Variants in MANBA observed in about 807,000 individuals in gnomAD.
MANBA encodes the protein mannosidase beta, also known as beta-mannosidase.
In MANBA, 83 loss-of-function variants were observed where a neutral mutation model predicts 111.1. The observed-to-expected ratio is 0.75, with a 90% confidence interval of 0.63 to 0.90. MANBA has a LOEUF of 0.90. MANBA is among the 40% of genes least tolerant of loss of function. The probability of loss-of-function intolerance (pLI) is 0.00; values close to 1 mark genes in which losing one functional copy is unlikely to be tolerated. For synonymous variants in MANBA, 370 were observed against 378.7 expected (o/e 0.98, Z 0.27); for missense variants, 1,036 against 1,069.0 (o/e 0.97, Z 0.43).
At chr4:102,691,308 T>C (rs991662087) in intron 5 of MANBA, among the ~76,000 whole-genome samples, 4 of 152,140 alleles carry the variant, frequency 2.6e-5, no homozygotes, top group Non-Finnish European at 5.9e-5. Flanking sequence ...ATGTGCCATA[T>C]ACTCTGCTAA....
chr4:102,680,795 T>C (rs569448314), intron 7 of MANBA, among the ~76,000 whole-genome samples: 2 of 152,362 alleles, frequency 1.3e-5, no homozygotes, highest in East Asian at 3.9e-4. Flanking sequence ...TCCTTGAAGC[T>C]ATTTTCTGTG....
intron 4 of MANBA, among the ~76,000 whole-genome samples, chr4:102,718,344 G>T (rs1032475261): frequency 2.6e-5 from 4 of 152,188 alleles, no homozygotes; most frequent in Non-Finnish European, 1.5e-5. Flanking sequence ...AGACAAGTTG[G>T]ACGGAAGACA....
intron 13 of MANBA, among the ~76,000 whole-genome samples, chr4:102,641,080 T>C (rs1159509503): frequency 2.0e-5 from 3 of 152,156 alleles, no homozygotes; most frequent in African/African-American, 7.2e-5. Context: ...CAATGCTAAG[T>C]AGAAGAGGTA....
intron 5 of MANBA, among the ~76,000 whole-genome samples, chr4:102,701,999 G>A (rs1334828563): frequency 1.6e-4 from 24 of 152,024 alleles, no homozygotes; most frequent in Admixed American, 7.9e-4. Context: ...AGGTACACCA[G>A]TCAGACGTAG....
At chr4:102,658,745 G>A (rs1280918503) in intron 11 of MANBA, 1 of 152,190 alleles carries the variant, frequency 6.6e-6, no homozygotes, top group African/African-American at 2.4e-5. Flanking sequence ...AGATGGTGCA[G>A]CTGGAATAAG....
intron 1 of MANBA, chr4:102,729,639 T>C: frequency 8.0e-7 from 1 of 1,242,734 alleles, no homozygotes; most frequent in South Asian, 1.2e-5. Context: ...ATCCTCATAC[T>C]TGTTCTTGAA....
chr4:102,694,156 G>A (rs528821875), intron 5 of MANBA, among the ~76,000 whole-genome samples: 4 of 152,070 alleles, frequency 2.6e-5, no homozygotes, highest in Admixed American at 6.6e-5. Flanking sequence ...GAGCAAGTCC[G>A]CACTCCTCCA....
intron 10 of MANBA, chr4:102,668,182 A>C (rs1731310114): frequency 6.6e-6 from 1 of 152,244 alleles, no homozygotes; most frequent in South Asian, 2.1e-4. Flanking sequence ...TCATCCCCTA[A>C]ACAGACCTTG....
intron 7 of MANBA, among the ~76,000 whole-genome samples, chr4:102,683,960 T>C (rs1417412778): frequency 6.6e-6 from 1 of 152,116 alleles, no homozygotes; most frequent in African/African-American, 2.4e-5. Flanking sequence ...CACAAAGAAA[T>C]GTAGTCGGCC....
intron 12 of MANBA, chr4:102,650,937 A>G (rs955059798): frequency 3.0e-5 from 14 of 473,454 alleles, no homozygotes; most frequent in Non-Finnish European, 4.9e-5. Context: ...CCTTCCTCCA[A>G]CTAAGAAAGT....
At chr4:102,729,076 G>C (rs1320334115) in intron 1 of MANBA, 1 of 771,154 alleles carries the variant, frequency 1.3e-6, no homozygotes, top group Admixed American at 1.7e-5. Context: ...GCCATGCCAT[G>C]TCCTGCTTGG....
At chr4:102,653,202 G>A (rs228633) in intron 12 of MANBA, among the ~76,000 whole-genome samples, 151,516 of 151,656 alleles carry the variant, frequency 1, 75,688 homozygotes, top group Middle Eastern at 1. Context: ...AAACACACGC[G>A]CATATGCAGA....
intron 3 of MANBA, 144 bp from the exon 4 acceptor site, chr4:102,723,185 T>C: frequency 1.3e-6 from 1 of 750,202 alleles, no homozygotes; most frequent in Non-Finnish European, 2.3e-6. Context: ...AACACTTCTC[T>C]GAAACACTGT....
chr4:102,748,609 C>T (rs1023662264), intron 1 of MANBA, among the ~76,000 whole-genome samples: 1 of 152,080 alleles, frequency 6.6e-6, no homozygotes, highest in Non-Finnish European at 1.5e-5. Flanking sequence ...ATAACATAGC[C>T]TACCTTTAAA....
chr4:102,719,155 C>T (rs983591032), intron 4 of MANBA, among the ~76,000 whole-genome samples: 25 of 152,124 alleles, frequency 1.6e-4, no homozygotes, highest in African/African-American at 3.9e-4. Flanking sequence ...TTATCTCAAC[C>T]GCATAAGACA....
intron 1 of MANBA, chr4:102,729,272 G>A: frequency 4.0e-6 from 3 of 752,726 alleles, no homozygotes; most frequent in Non-Finnish European, 4.9e-6. Context: ...TTTGTACACT[G>A]CAGGTCATCC....
intron 1 of MANBA, among the ~76,000 whole-genome samples, chr4:102,760,448 A>G (rs1724196225): frequency 6.6e-6 from 1 of 152,208 alleles, no homozygotes; most frequent in Admixed American, 6.5e-5. Flanking sequence ...TGCAGTAAGT[A>G]AACTGCTAGT....
chr4:102,712,685 ATTTTTGTAT>A (rs554763870), intron 5 of MANBA, among the ~76,000 whole-genome samples: 5 of 151,868 alleles, frequency 3.3e-5, no homozygotes, highest in Non-Finnish European at 7.4e-5. Context: ...GGCCTGGCTA[ATTTTTGTAT>A]TTTTTGTATT....
chr4:102,672,227 T>C (rs1053966734), intron 8 of MANBA: 2 of 396,480 alleles, frequency 5.0e-6, no homozygotes, highest in African/African-American at 4.1e-5. Flanking sequence ...ACTGATGACA[T>C]TTACATTCTA....
Sources: allele counts gnomAD v4.1 joint callset (sites outside exome capture counted in the v4.1 genomes callset), GRCh38; gene constraint gnomAD v4.1.1; transcripts MANE v1.5; gene names NCBI Gene and HGNC (gene_info 2026-07-23, HGNC 2026-07-21).